Variants in NOX3 observed in about 807,000 individuals in gnomAD.
NOX3 encodes the protein NADPH oxidase catalytic subunit-like 3.
Under a neutral mutation model 76.7 loss-of-function variants are expected in NOX3, and 74 were observed. The observed-to-expected ratio is 0.96, with a 90% CI of 0.80 to 1.17. The LOEUF (loss-of-function observed/expected upper bound fraction) is 1.17. NOX3 is among the 50% of genes most tolerant of loss of function. NOX3 has a pLI of 0.00. For synonymous variants in NOX3, 263 were observed against 261.1 expected, an observed-to-expected ratio of 1.01 and a Z score of -0.07; for missense variants, 695 against 703.3, an observed-to-expected ratio of 0.99 and a Z score of 0.13.
intron 4 of NOX3, among the ~76,000 whole-genome samples, chr6:155,445,298 T>C (rs1353657494): frequency 1.3e-5 from 2 of 152,246 alleles, no homozygotes; most frequent in African/African-American, 4.8e-5. Context: ...GCAGGGCCTA[T>C]GACTATCATA....
chr6:155,449,650 C>A (rs1188868738), intron 4 of NOX3, among the ~76,000 whole-genome samples: 1 of 152,186 alleles, frequency 6.6e-6, no homozygotes, highest in African/African-American at 2.4e-5. Flanking sequence ...TCCTCCCTCG[C>A]CTTCTTCCAC....
rs781366402 is a variant in NOX3, at chr6:155,436,450, G to A, written c.766C>T (p.Pro256Ser). The A allele has an allele frequency of 1.4e-5, 23 of 1,614,128 alleles. No homozygotes were observed. The highest frequency in any genetic ancestry group is 8.3e-5 in the Admixed American group (5 of 60,020). The change falls in exon 7 of 14, where the codon CCC (proline) becomes TCC (serine). Residue 256 changes from proline (P) to serine (S), a missense_variant. Pro to Ser is a moderately conservative substitution (Grantham distance 74). Coordinates refer to ENST00000159060, the MANE Select transcript of NOX3 (RefSeq NM_015718.3). ...YAEWQTVAQCPVPQFSGKEPS... is the reference protein window; with the variant it reads ...YAEWQTVAQCSVPQFSGKEPS... ...TCCTTGCCAGAAAATTGAGGCACGG[G>A]GCATTGGGCCACTGTCTGCCATTCT... is the stretch of plus-strand genomic sequence containing the variant.
chr6:155,414,216 G>A (rs1776593751), intron 10 of NOX3, among the ~76,000 whole-genome samples: 1 of 152,176 alleles, frequency 6.6e-6, no homozygotes, highest in South Asian at 2.1e-4. Context: ...GAAGCAAAAG[G>A]TATTTACTTT....
intron 4 of NOX3, among the ~76,000 whole-genome samples, chr6:155,445,873 TATATATATATATGCTATATATATATA>T (rs1380678966): frequency 8.3e-6 from 1 of 120,126 alleles, no homozygotes; most frequent in Non-Finnish European, 1.7e-5. Flanking sequence ...CATATACATA[TATATATATATATGCTATATATATATA>T]TTATATATAT....
At chr6:155,441,389 T>G (rs754464846) in intron 5 of NOX3, among the ~76,000 whole-genome samples, 9 of 152,260 alleles carry the variant, frequency 5.9e-5, no homozygotes, top group Non-Finnish European at 1.2e-4. Context: ...TCAAGTACCT[T>G]CAGGCATTTT....
intron 12 of NOX3, among the ~76,000 whole-genome samples, chr6:155,405,870 C>A (rs1215374172): frequency 6.6e-6 from 1 of 152,228 alleles, no homozygotes; most frequent in African/African-American, 2.4e-5. Context: ...AGTGATCCCA[C>A]GTCACTCTAC....
In NOX3 at chr6:155,444,780, T is replaced by C. The variant is rs182712222; in HGVS notation, c.341-1362A>G. Among the ~76,000 whole-genome samples the C allele has an allele frequency of 6.8e-4, 104 of 152,298 alleles. No homozygotes were observed. The East Asian group carries it at 0.018, about 26-fold the overall frequency. ...TCTGATGGATGGCAGTCGGGGTCAGTACTATCCCCTGTTTCAGGCATCTGC... is the reference window on the plus strand; with the variant it reads ...TCTGATGGATGGCAGTCGGGGTCAGCACTATCCCCTGTTTCAGGCATCTGC... On this transcript the variant is annotated intron_variant, in intron 4 of 13. Transcript: ENST00000159060.
Position 155,442,066 on chromosome 6 carries a change from C to T in NOX3, c.486+1207G>A, listed in dbSNP as rs189461952. On this transcript the variant is annotated intron_variant, in intron 5 of 13. Coordinates refer to ENST00000159060, the MANE Select transcript of NOX3 (RefSeq NM_015718.3). The stretch of plus-strand genomic sequence containing the variant: ...GATCACGAGGTCAGGCGATCAAGAC[C>T]ATCCTGGCTAACACAGTGAAACCCC... 2.4e-4 allele frequency among the ~76,000 whole-genome samples: 37 copies of T among 152,138 alleles called. 1 individual carries two copies. The highest frequency in any genetic ancestry group is 4.0e-4 in the Non-Finnish European group (27 of 68,022).
chr6:155,399,757 C>T (rs909344407), intron 12 of NOX3, among the ~76,000 whole-genome samples: 3 of 150,620 alleles, frequency 2.0e-5, no homozygotes, highest in South Asian at 4.2e-4. Context: ...TATGAGGCAA[C>T]GGACAAGTGC....
At chr6:155,398,844 C>A (rs543947783) in intron 12 of NOX3, among the ~76,000 whole-genome samples, 3 of 152,170 alleles carry the variant, frequency 2.0e-5, no homozygotes, top group African/African-American at 4.8e-5. Flanking sequence ...AATCTAGCTC[C>A]GAGAATCTCT....
intron 4 of NOX3, among the ~76,000 whole-genome samples, chr6:155,445,920 T>C (rs1006242668): frequency 7.0e-6 from 1 of 143,010 alleles, no homozygotes; most frequent in African/African-American, 2.7e-5. Flanking sequence ...GCTATAGATA[T>C]ATAATATATA....
chr6:155,451,313 A>T (rs1777137013), intron 4 of NOX3, among the ~76,000 whole-genome samples: 2 of 152,090 alleles, frequency 1.3e-5, no homozygotes, highest in South Asian at 4.1e-4. Flanking sequence ...CAGAAGAAAG[A>T]GCATGAGGAA....
In NOX3 at chr6:155,436,418, C is replaced by T. The variant is rs769049081; in HGVS notation, c.798G>A (p.Ser266=). ...TAAAAGCTCCTGGGTTCATTCTTAC[C>T]GAGGGTTCCTTGCCAGAAAATTGAG... ...PVPQFSGKEP[S]AWKWILGPVV... is the part of the protein sequence containing the mutation. The change falls in exon 7 of 14, where the codon TCG becomes TCA. Residue 266 remains serine, a splice_region_variant and synonymous_variant. Coordinates refer to ENST00000159060, the MANE Select transcript of NOX3 (RefSeq NM_015718.3). 25 of 1,613,798 alleles carry T rather than the reference C, an allele frequency of 1.5e-5. No homozygotes were observed. The highest frequency in any genetic ancestry group is 6.6e-5 in the South Asian group (6 of 91,074).
intron 5 of NOX3, among the ~76,000 whole-genome samples, chr6:155,441,497 G>T (rs183133315): frequency 1.6e-4 from 25 of 152,258 alleles, no homozygotes; most frequent in African/African-American, 6.0e-4. Context: ...CACATTTATA[G>T]ACTGGTTACA....
At position 155,422,689 on chromosome 6, in the gene NOX3, CG is replaced by C. The variant is rs1345567575; in HGVS notation, c.1308+4del. 3 of 1,612,596 alleles carry C rather than the reference CG, an allele frequency of 1.9e-6. No homozygotes were observed. Among genetic ancestry groups the C allele is most frequent in the African/African-American group, 1.3e-5 (1 of 74,844 alleles). ...TGGAAGGGTGAACTAATGATTTTTC[CG>C]TACCTTGCTCAGCTTCAGTGGGGTC... is the stretch of plus-strand genomic sequence containing the variant. On this transcript the variant is annotated splice_donor_region_variant and intron_variant, in intron 10 of 13. Transcript: ENST00000159060.
chr6:155,407,189 G>T lies in NOX3; in HGVS notation c.1521C>A (p.Thr507=), dbSNP rs777602476. 3 of 1,614,010 alleles carry T rather than the reference G, an allele frequency of 1.9e-6. No individual in the cohort carries two copies. In the South Asian group the frequency reaches 3.3e-5, roughly 18 times the overall value. ...TDVITGLKQK[T]FYGRPNWNNE... The stretch of plus-strand genomic sequence containing the variant: ...TGTTCCAGTTGGGCCTCCCATAGAA[G>T]GTCTTCTGCTTTAAGCCTGTAATCA... Residue 507 remains threonine, a synonymous_variant, in exon 12 of 14, where the codon ACC becomes ACA. Coordinates refer to ENST00000159060, the MANE Select transcript of NOX3 (RefSeq NM_015718.3).
At chr6:155,442,180 C>G (rs964224354) in intron 5 of NOX3, among the ~76,000 whole-genome samples, 1 of 152,100 alleles carries the variant, frequency 6.6e-6, no homozygotes, top group Admixed American at 6.5e-5. Context: ...AGGAGAATAG[C>G]GTGAATCCGG....
At chr6:155,430,958 A>C (rs771109273) in intron 7 of NOX3, 23 bp from the exon 8 acceptor site, 1 of 1,394,248 alleles carries the variant, frequency 7.2e-7, no homozygotes, top group South Asian at 1.2e-5. Flanking sequence ...GCAGAGAGAG[A>C]GAGAAAAAGG....
intron 12 of NOX3, 107 bp from the exon 13 acceptor site, chr6:155,397,069 A>G (rs1779149223): frequency 9.4e-7 from 1 of 1,061,008 alleles, no homozygotes; most frequent in Non-Finnish European, 1.3e-6. Context: ...TTACTTATTT[A>G]TTTTTCTCCC....
Sources: gnomAD v4.1 joint callset for allele counts (sites outside exome capture counted in the v4.1 genomes callset) on GRCh38, gnomAD v4.1.1 for gene constraint, MANE v1.5 for transcripts, NCBI Gene and HGNC (gene_info 2026-07-23, HGNC 2026-07-21) for gene names.